Variants in CSMD1 observed in about 807,000 individuals in gnomAD.
CSMD1 encodes the protein CUB and Sushi multiple domains 1.
Under a neutral mutation model 417.5 loss-of-function variants are expected in CSMD1, and 213 were observed. The observed-to-expected ratio is 0.51, with a 90% CI of 0.46 to 0.57. CSMD1 has a LOEUF of 0.57. Ranked by LOEUF, CSMD1 falls within the 20% of genes least tolerant of loss-of-function variation. The pLI, the probability that CSMD1 is intolerant of heterozygous loss-of-function variation, is 0.00. For missense variants in CSMD1, 6,923 were observed against 4,529.7 expected, an observed-to-expected ratio of 1.53 and a Z score of -15.17; for synonymous variants, 2,862 against 1,736.8, an observed-to-expected ratio of 1.65 and a Z score of -16.11.
At chr8:3,368,986 C>T (rs1164874044) in intron 19 of CSMD1, among the ~76,000 whole-genome samples, 1 of 152,102 alleles carries the variant, frequency 6.6e-6, no homozygotes, top group Non-Finnish European at 1.5e-5. Context: ...TTATTCCTTA[C>T]CACGATAGCT....
chr8:4,012,304 C>G lies in CSMD1; in HGVS notation c.611-14194G>C, dbSNP rs976404268. On this transcript the variant is annotated intron_variant, in intron 4 of 69. Coordinates refer to ENST00000635120, the MANE Select transcript of CSMD1 (RefSeq NM_033225.6). Reference sequence around the variant, plus strand: ...AGTCATCATGCCAGTTTCATTTCATCTTCCAATCCTTGGTAGGGTGTCCAA... The same window carrying G: ...AGTCATCATGCCAGTTTCATTTCATGTTCCAATCCTTGGTAGGGTGTCCAA... 5.9e-5 allele frequency among the ~76,000 whole-genome samples: 9 copies of G among 152,278 alleles called. No individual in the cohort carries two copies. The East Asian group carries it at 1.7e-3, about 29-fold the overall frequency.
chr8:4,693,995 T>C (rs1478526734), intron 1 of CSMD1, among the ~76,000 whole-genome samples: 5 of 152,182 alleles, frequency 3.3e-5, no homozygotes, highest in African/African-American at 9.7e-5. Flanking sequence ...GGAAAGTCAA[T>C]CTCGGGACCC....
chr8:3,153,212 A>G lies in CSMD1; in HGVS notation c.5915-1699T>C, dbSNP rs1004831351. Among the ~76,000 whole-genome samples, 10 of 152,322 alleles carry G rather than the reference A, an allele frequency of 6.6e-5. No homozygotes were observed. In the East Asian group the frequency reaches 1.7e-3, roughly 26 times the overall value. On this transcript the variant is annotated intron_variant, in intron 39 of 69. Coordinates refer to ENST00000635120, the MANE Select transcript of CSMD1 (RefSeq NM_033225.6). ...CTGCTACACTCCCACCAGCACCAAGACAGTTTACAAATGCCACGGCAACGT... is the reference window on the plus strand; with the variant it reads ...CTGCTACACTCCCACCAGCACCAAGGCAGTTTACAAATGCCACGGCAACGT...
At chr8:4,444,932 A>C (rs1402375121) in intron 2 of CSMD1, among the ~76,000 whole-genome samples, 2 of 152,134 alleles carry the variant, frequency 1.3e-5, no homozygotes, top group African/African-American at 4.8e-5. Flanking sequence ...TCCCTTCTTC[A>C]TTTACATAAA....
intron 2 of CSMD1, among the ~76,000 whole-genome samples, chr8:4,633,535 C>T (rs373701983): frequency 9.3e-5 from 14 of 151,106 alleles, no homozygotes; most frequent in African/African-American, 2.4e-4. Context: ...AGGTAAGAGC[C>T]GCCATGCCAG....
chr8:4,389,702 T>G (rs568848014), intron 3 of CSMD1, among the ~76,000 whole-genome samples: 2 of 152,286 alleles, frequency 1.3e-5, no homozygotes, highest in South Asian at 2.1e-4. Context: ...TTCTAAGATT[T>G]TTTTATTTTC....
At chr8:3,977,963 C>A (rs535812681) in intron 5 of CSMD1, among the ~76,000 whole-genome samples, 76 of 152,302 alleles carry the variant, frequency 5.0e-4, no homozygotes, top group African/African-American at 1.8e-3. Context: ...CTGCCTTTTA[C>A]GTGTCCATCT....
At chr8:3,085,998 G>C (rs1374447663) in intron 49 of CSMD1, among the ~76,000 whole-genome samples, 1 of 152,090 alleles carries the variant, frequency 6.6e-6, no homozygotes, top group South Asian at 2.1e-4. Flanking sequence ...CCTTTCCTGT[G>C]TCCAGGCTGC....
At chr8:3,862,864 T>G (rs1294609466) in intron 5 of CSMD1, among the ~76,000 whole-genome samples, 2 of 152,194 alleles carry the variant, frequency 1.3e-5, no homozygotes, top group South Asian at 4.1e-4. Flanking sequence ...GTCATTAGTT[T>G]TATGCTATTA....
At chr8:4,311,674 G>A (rs905861765) in intron 3 of CSMD1, among the ~76,000 whole-genome samples, 1 of 146,110 alleles carries the variant, frequency 6.8e-6, no homozygotes, top group South Asian at 2.2e-4. Context: ...AGTGAGCCGA[G>A]ATTGTGCCAC....
intron 41 of CSMD1, among the ~76,000 whole-genome samples, chr8:3,123,303 T>C (rs1817313951): frequency 6.6e-6 from 1 of 152,032 alleles, no homozygotes; most frequent in Non-Finnish European, 1.5e-5. Context: ...CAGGCTGAAG[T>C]CCACAAAAAC....
At chr8:4,576,350 C>T (rs983960184) in intron 2 of CSMD1, among the ~76,000 whole-genome samples, 8 of 152,250 alleles carry the variant, frequency 5.3e-5, no homozygotes. Context: ...GCTCACTCTT[C>T]AGGGGAGAGT....
intron 4 of CSMD1, among the ~76,000 whole-genome samples, chr8:4,029,565 C>G (rs1003261265): frequency 2.0e-5 from 3 of 152,184 alleles, no homozygotes; most frequent in Non-Finnish European, 4.4e-5. Context: ...TTACCTCCCA[C>G]TGGCTTCCTC....
intron 2 of CSMD1, among the ~76,000 whole-genome samples, chr8:4,637,141 C>T (rs917592620): frequency 2.0e-5 from 3 of 152,184 alleles, no homozygotes; most frequent in African/African-American, 4.8e-5. Flanking sequence ...CTACCACTAA[C>T]TCTTTGTTTC....
At chr8:4,041,969 G>C (rs971817627) in intron 3 of CSMD1, among the ~76,000 whole-genome samples, 3 of 151,796 alleles carry the variant, frequency 2.0e-5, no homozygotes, top group African/African-American at 7.3e-5. Flanking sequence ...AAACATAAAA[G>C]AAAAAAGAAA....
intron 3 of CSMD1, among the ~76,000 whole-genome samples, chr8:4,188,535 G>C (rs915206987): frequency 6.6e-6 from 1 of 152,112 alleles, no homozygotes; most frequent in Non-Finnish European, 1.5e-5. Flanking sequence ...ATTTGAGGCT[G>C]TCTTTAGGAA....
At chr8:4,508,163 T>A (rs1802631370) in intron 2 of CSMD1, among the ~76,000 whole-genome samples, 1 of 150,118 alleles carries the variant, frequency 6.7e-6, no homozygotes, top group Admixed American at 6.6e-5. Flanking sequence ...AGGTAATATT[T>A]TTTTTTTTTT....
chr8:3,069,463 G>A lies in CSMD1; in HGVS notation c.7475-16816C>T, dbSNP rs1023946622. Among the ~76,000 whole-genome samples the A allele has an allele frequency of 1.3e-5, 2 of 151,762 alleles. 1 individual carries two copies. The highest frequency in any genetic ancestry group is 4.2e-4 in the South Asian group (2 of 4,814). ...AAAAAAAAAGAAAAAGAAAAAGAAA[G>A]GGATTACATGCCCCATTCAAGTTTG... On this transcript the variant is annotated intron_variant, in intron 49 of 69. Transcript: ENST00000635120.
chr8:4,962,140 A>T (rs778141438), intron 1 of CSMD1, among the ~76,000 whole-genome samples: 1 of 150,444 alleles, frequency 6.6e-6, no homozygotes. Flanking sequence ...GGAGGCTTTT[A>T]CAACTATCCA....
Sources: allele counts gnomAD v4.1 joint callset (sites outside exome capture counted in the v4.1 genomes callset), GRCh38; gene constraint gnomAD v4.1.1; transcripts MANE v1.5; gene names NCBI Gene and HGNC (gene_info 2026-07-23, HGNC 2026-07-21).